PDCL3: variants seen among roughly 807,000 people sequenced by gnomAD.
PDCL3 encodes the protein phosducin like 3, also known as phosducin-like protein 3.
In PDCL3, 22 loss-of-function variants were observed where a neutral mutation model predicts 26.5. The observed-to-expected ratio is 0.83, with a 90% CI of 0.59 to 1.19. The LOEUF (loss-of-function observed/expected upper bound fraction) is 1.19. PDCL3 is among the 50% of genes most tolerant of loss of function. The pLI is 0.00. For synonymous variants in PDCL3, 81 were observed against 104.9 expected, an observed-to-expected ratio of 0.77 and a Z score of 1.39; for missense variants, 246 against 294.1, an observed-to-expected ratio of 0.84 and a Z score of 1.20.
At chr2:100,567,436 G>A (rs964366288) in intron 2 of PDCL3, among the ~76,000 whole-genome samples, 2 of 152,074 alleles carry the variant, frequency 1.3e-5, no homozygotes, top group Non-Finnish European at 2.9e-5. Context: ...AAGAAAATAA[G>A]GCAGTAAAAG....
chr2:100,567,138 G>A (rs1675074496), intron 2 of PDCL3, among the ~76,000 whole-genome samples: 1 of 152,104 alleles, frequency 6.6e-6, no homozygotes, highest in Admixed American at 6.6e-5. Flanking sequence ...GCAGTCTCTG[G>A]AATGAGGCCC....
intron 5 of PDCL3, among the ~76,000 whole-genome samples, chr2:100,574,700 T>TA (rs1314460539): frequency 6.6e-6 from 1 of 152,226 alleles, no homozygotes; most frequent in Non-Finnish European, 1.5e-5. Context: ...CTTCAGAACT[T>TA]ACCATCTTAT....
chr2:100,575,191 A>G (rs1289652732), intron 5 of PDCL3, among the ~76,000 whole-genome samples: 5 of 152,306 alleles, frequency 3.3e-5, no homozygotes, highest in East Asian at 3.9e-4. Flanking sequence ...GCTGGAGTGC[A>G]ATGGCGCGAT....
intron 2 of PDCL3, among the ~76,000 whole-genome samples, chr2:100,567,070 T>G (rs978202405): frequency 1.3e-5 from 2 of 152,170 alleles, no homozygotes; most frequent in African/African-American, 2.4e-5. Flanking sequence ...GCAGTTGTAC[T>G]GTCTGAATTG....
chr2:100,565,787 C>T (rs1032605723), intron 1 of PDCL3, among the ~76,000 whole-genome samples: 9 of 152,186 alleles, frequency 5.9e-5, no homozygotes, highest in African/African-American at 2.2e-4. Context: ...TTGCCTGTCT[C>T]TTCCTCTTGT....
intron 5 of PDCL3, among the ~76,000 whole-genome samples, chr2:100,573,984 T>C (rs1475949749): frequency 6.6e-6 from 1 of 152,034 alleles, no homozygotes; most frequent in Non-Finnish European, 1.5e-5. Context: ...TATAAAGATA[T>C]ATATATAGAG....
rs1675067344 is a variant in PDCL3 at position 100,566,629 on chromosome 2, G to C, written c.133G>C (p.Val45Leu). ...EEQRILQQSV[V>L]KTYEDMTLEE... ...GCAGCGCATCCTCCAGCAGTCAGTG[G>C]GTGAGTTCACTCGCTTTCCTCTGCA... Residue 45 changes from valine (V) to leucine (L), a missense_variant and splice_region_variant, in exon 2 of 6, where the codon GTG becomes CTG. Transcript: ENST00000264254. 2 of 1,613,856 alleles carry C rather than the reference G, an allele frequency of 1.2e-6. No homozygotes were observed. The highest frequency in any genetic ancestry group is 1.7e-5 in the Admixed American group (1 of 59,998).
chr2:100,568,240 A>G (rs1675096777), intron 2 of PDCL3, among the ~76,000 whole-genome samples: 2 of 152,230 alleles, frequency 1.3e-5, no homozygotes, highest in Admixed American at 1.3e-4. Context: ...TTGTCAGCAT[A>G]TTGATAGCAC....
chr2:100,563,238 G>A, intron 1 of PDCL3, 165 bp downstream of exon 1: 1 of 843,338 alleles, frequency 1.2e-6, no homozygotes. Context: ...GGAGGCGGGC[G>A]TGGTCCCACC....
At chr2:100,574,212 G>C (rs1675236507) in intron 5 of PDCL3, among the ~76,000 whole-genome samples, 1 of 152,052 alleles carries the variant, frequency 6.6e-6, no homozygotes, top group Non-Finnish European at 1.5e-5. Flanking sequence ...GTGTTGCCTA[G>C]GCTGGTTGTG....
Position 100,574,602 on chromosome 2 carries a change from G to A in PDCL3, c.578-1752G>A, listed in dbSNP as rs1366581812. Among the ~76,000 whole-genome samples the A allele has an allele frequency of 2.6e-5, 4 of 152,134 alleles. 1 individual carries two copies. The South Asian group carries it at 6.2e-4, about 24-fold the overall frequency. On this transcript the variant is annotated intron_variant, in intron 5 of 5. Transcript: ENST00000264254. ...ATTTCACATAGCTGCCCTCACTGTG[G>A]TGAGAATCCTTAAGATCTACTTTCC...
chr2:100,575,297 G>A (rs1012684101), intron 5 of PDCL3, among the ~76,000 whole-genome samples: 2 of 152,076 alleles, frequency 1.3e-5, no homozygotes, highest in Admixed American at 6.6e-5. Flanking sequence ...CACCATGCCT[G>A]GCTAATTTTT....
rs1049183739 is a variant in PDCL3, at chr2:100,565,901, C to CATT, written c.7-586_7-584dup. Among the ~76,000 whole-genome samples, 9 of 152,006 alleles carry CATT rather than the reference C, an allele frequency of 5.9e-5. No homozygotes were observed. The East Asian group carries it at 7.8e-4, about 13-fold the overall frequency. ...TTATCTGTTGAATGAATCACTCAGT[C>CATT]ATTATTATTATTATTATTTTGAGAC... On this transcript the variant is annotated intron_variant, in intron 1 of 5. Transcript: ENST00000264254.
At chr2:100,563,494 CTCCACTG>C (rs1674995749) in intron 1 of PDCL3, 1 of 167,248 alleles carries the variant, frequency 6.0e-6, no homozygotes, top group Non-Finnish European at 1.3e-5. Flanking sequence ...GTGTTCCTGG[CTCCACTG>C]AGAGCCAGGT....
intron 5 of PDCL3, among the ~76,000 whole-genome samples, chr2:100,572,640 C>G (rs949870686): frequency 2.0e-5 from 3 of 152,106 alleles, no homozygotes; most frequent in African/African-American, 7.2e-5. Context: ...GCCTCAGCCT[C>G]CCTAGTAGCT....
rs368240268 is a variant in PDCL3, at chr2:100,564,797, T to C, written c.7-1706T>C. On this transcript the variant is annotated intron_variant, in intron 1 of 5. Transcript: ENST00000264254. The stretch of plus-strand genomic sequence containing the variant: ...CTAAGAGCCACTTTTACATCAGTCT[T>C]TGTGACAATGATCCTTTGTGATTTT... Among the ~76,000 whole-genome samples, 8 of 152,318 alleles carry C rather than the reference T, an allele frequency of 5.3e-5. No individual in the cohort carries two copies. The East Asian group carries it at 1.5e-3, about 29-fold the overall frequency.
chr2:100,568,007 G>A (rs1675092295), intron 2 of PDCL3, among the ~76,000 whole-genome samples: 1 of 151,994 alleles, frequency 6.6e-6, no homozygotes, highest in South Asian at 2.1e-4. Context: ...TAGCGATGAG[G>A]TTTCACCATG....
intron 3 of PDCL3, 81 bp from the exon 4 acceptor site, chr2:100,569,497 C>T: frequency 6.7e-7 from 1 of 1,482,664 alleles, no homozygotes; most frequent in Non-Finnish European, 9.0e-7. Flanking sequence ...TAAACCTGGG[C>T]TTTTACAAGG....
At chr2:100,576,288 G>C (rs1675283107) in intron 5 of PDCL3, 66 bp from the exon 6 acceptor site, 3 of 1,540,498 alleles carry the variant, frequency 1.9e-6, no homozygotes, top group Non-Finnish European at 2.6e-6. Context: ...TAGGTTGATG[G>C]ACTTAGGGCG....
Sources: gnomAD v4.1 joint callset for allele counts (sites outside exome capture counted in the v4.1 genomes callset) on GRCh38, gnomAD v4.1.1 for gene constraint, MANE v1.5 for transcripts, NCBI Gene and HGNC (gene_info 2026-07-23, HGNC 2026-07-21) for gene names.